Variants in GRID1 observed in about 807,000 individuals in gnomAD.
GRID1 encodes glutamate ionotropic receptor delta type subunit 1.
Under a neutral mutation model 98.0 loss-of-function variants are expected in GRID1, and 28 were observed. The ratio of observed to expected loss-of-function variants is 0.29; its 90% CI spans 0.21 to 0.39. The LOEUF (loss-of-function observed/expected upper bound fraction) is 0.39, where lower values mean the gene tolerates loss of function less well. Among genes scored for constraint, GRID1 ranks in the 10% least tolerant of loss-of-function variants. The probability of loss-of-function intolerance (pLI) is 1.00; values close to 1 mark genes in which losing one functional copy is unlikely to be tolerated. For synonymous variants in GRID1, 553 were observed against 538.5 expected, an observed-to-expected ratio of 1.03 and a Z score of -0.37; for missense variants, 1,111 against 1,340.5, an observed-to-expected ratio of 0.83 and a Z score of 2.67.
chr10:85,803,964 T>C (rs553083963), intron 8 of GRID1, among the ~76,000 whole-genome samples: 1 of 151,928 alleles, frequency 6.6e-6, no homozygotes, highest in Non-Finnish European at 1.5e-5. Context: ...ATACAGTCAC[T>C]AACCCAAGCT....
At chr10:86,111,548 T>C (rs1484301113) in intron 4 of GRID1, among the ~76,000 whole-genome samples, 1 of 152,250 alleles carries the variant, frequency 6.6e-6, no homozygotes, top group Non-Finnish European at 1.5e-5. Flanking sequence ...TGTTCCCTGA[T>C]ATATGTGTTC....
chr10:85,884,323 C>T (rs1471939775), intron 5 of GRID1, among the ~76,000 whole-genome samples: 12 of 152,142 alleles, frequency 7.9e-5, no homozygotes, highest in Admixed American at 7.9e-4. Context: ...TTCTGGGACA[C>T]ACACCTGCCT....
chr10:85,986,045 T>G (rs1842604602), intron 4 of GRID1, among the ~76,000 whole-genome samples: 1 of 152,232 alleles, frequency 6.6e-6, no homozygotes, highest in South Asian at 2.1e-4. Flanking sequence ...CCTGGCACAA[T>G]GTCTACTGCA....
At chr10:86,065,655 G>A (rs1554850652) in intron 4 of GRID1, among the ~76,000 whole-genome samples, 1 of 152,208 alleles carries the variant, frequency 6.6e-6, no homozygotes, top group Non-Finnish European at 1.5e-5. Flanking sequence ...AGGAACTTCT[G>A]CAGAATTAAA....
At chr10:85,767,447 A>C in intron 8 of GRID1, among the ~76,000 whole-genome samples, 1 of 152,214 alleles carries the variant, frequency 6.6e-6, no homozygotes, top group East Asian at 1.9e-4. Flanking sequence ...AATTCAAATA[A>C]TTTAAATAGC....
intron 2 of GRID1, among the ~76,000 whole-genome samples, chr10:86,273,016 C>T (rs1847208904): frequency 2.6e-5 from 4 of 152,106 alleles, no homozygotes; most frequent in Admixed American, 2.6e-4. Flanking sequence ...CACCCATTAA[C>T]TCAACATTTA....
intron 4 of GRID1, among the ~76,000 whole-genome samples, chr10:86,025,637 T>A (rs1843107047): frequency 6.6e-6 from 1 of 152,202 alleles, no homozygotes; most frequent in African/African-American, 2.4e-5. Context: ...AGGGTGGATG[T>A]TTCCTTCAGG....
chr10:86,352,200 T>G lies in GRID1; in HGVS notation c.235+11741A>C, dbSNP rs577589699. On this transcript the variant is annotated intron_variant, in intron 2 of 15. Coordinates refer to ENST00000327946, the MANE Select transcript of GRID1 (RefSeq NM_017551.3). Reference sequence around the variant, plus strand: ...AGAGTCACCCATCCTCAGAGGTACATGGATCTTCAGCTCATGTGGTCCAAG... The same window carrying G: ...AGAGTCACCCATCCTCAGAGGTACAGGGATCTTCAGCTCATGTGGTCCAAG... Among the ~76,000 whole-genome samples the G allele has an allele frequency of 3.3e-5, 5 of 152,328 alleles. No individual in the cohort carries two copies. The East Asian group carries it at 9.6e-4, about 29-fold the overall frequency.
At chr10:85,624,409 C>T (rs1842888508) in intron 13 of GRID1, among the ~76,000 whole-genome samples, 1 of 152,164 alleles carries the variant, frequency 6.6e-6, no homozygotes, top group South Asian at 2.1e-4. Context: ...GCTGTGGATA[C>T]AGCCAAGCTT....
At chr10:86,044,171 C>G (rs777465622) in intron 4 of GRID1, among the ~76,000 whole-genome samples, 1 of 152,220 alleles carries the variant, frequency 6.6e-6, no homozygotes, top group East Asian at 1.9e-4. Context: ...TCCCCAGAGT[C>G]TAGCAAGTGG....
chr10:85,788,060 A>T (rs972146016), intron 8 of GRID1, among the ~76,000 whole-genome samples: 1 of 143,308 alleles, frequency 7.0e-6, no homozygotes, highest in Non-Finnish European at 1.5e-5. Context: ...TTCACAAAAA[A>T]AAAAAGAAAA....
intron 3 of GRID1, among the ~76,000 whole-genome samples, chr10:86,181,348 T>C (rs1160608326): frequency 2.1e-5 from 3 of 144,020 alleles, no homozygotes; most frequent in East Asian, 2.0e-4. Context: ...GGAAATGGAG[T>C]GCTTGTTCTC....
chr10:86,366,422 G>T lies in GRID1; in HGVS notation c.-30C>A, dbSNP rs1191259445. 8.9e-6 allele frequency: 13 copies of T among 1,460,706 alleles called. No homozygotes were observed. In the African/African-American group the frequency reaches 1.0e-4, roughly 12 times the overall value. The allele number at this position is 1,460,706 out of a possible 1,614,324, so 90.5% of individuals were successfully genotyped here. A position where few individuals can be genotyped will look rare whatever the true frequency, so the allele number is the denominator to read the frequency against. On this transcript the variant is annotated 5_prime_UTR_variant, in exon 1 of 16. Coordinates refer to ENST00000327946, the MANE Select transcript of GRID1 (RefSeq NM_017551.3). This position sits in a 1 kb window ranked among gnomAD's most constrained non-coding sequence, Gnocchi z 4.1. ...CCCGGGCGCGCGGCTCATCCACCCGGGCCCGGGGCGAGGCCGAGGGCAGCG... is the reference window on the plus strand; with the variant it reads ...CCCGGGCGCGCGGCTCATCCACCCGTGCCCGGGGCGAGGCCGAGGGCAGCG...
At chr10:85,724,219 T>C in intron 11 of GRID1, 133 bp downstream of exon 11, 1 of 643,934 alleles carries the variant, frequency 1.6e-6, no homozygotes, top group Non-Finnish European at 2.7e-6. Flanking sequence ...CAGCATGACA[T>C]TTGTACTGTC....
In GRID1 at chr10:85,835,272, T is replaced by C. The variant is rs565206902; in HGVS notation, c.1233+19224A>G. 3.3e-5 allele frequency among the ~76,000 whole-genome samples: 5 copies of C among 152,310 alleles called. No homozygotes were observed. In the East Asian group the frequency reaches 5.8e-4, roughly 18 times the overall value. On this transcript the variant is annotated intron_variant, in intron 8 of 15. Transcript: ENST00000327946. ...CCATCTCGGCATCTGATAGAACCAA[T>C]AGATTAACAAGGATATTGAAACTCT...
chr10:86,213,297 T>C (rs963062685), intron 2 of GRID1, among the ~76,000 whole-genome samples: 1 of 152,042 alleles, frequency 6.6e-6, no homozygotes, highest in African/African-American at 2.4e-5. Flanking sequence ...CCTGGCAACT[T>C]GGTGACCTTG....
intron 8 of GRID1, among the ~76,000 whole-genome samples, chr10:85,730,964 C>A (rs936728364): frequency 2.6e-5 from 4 of 152,110 alleles, no homozygotes; most frequent in Admixed American, 1.3e-4. Context: ...ATCCATAAGA[C>A]CCCCTAGTTA....
intron 5 of GRID1, among the ~76,000 whole-genome samples, chr10:85,910,524 T>C (rs867740329): frequency 1.3e-4 from 20 of 152,198 alleles, no homozygotes; most frequent in African/African-American, 4.1e-4. Flanking sequence ...GGATCCTCAC[T>C]GAGTACTCGT....
At chr10:85,938,315 A>G (rs1029361213) in intron 4 of GRID1, among the ~76,000 whole-genome samples, 2 of 152,226 alleles carry the variant, frequency 1.3e-5, no homozygotes, top group African/African-American at 4.8e-5. Context: ...GATTACCAGC[A>G]TCTAAGTGCT....
Sources: allele counts gnomAD v4.1 joint callset (sites outside exome capture counted in the v4.1 genomes callset), GRCh38; gene constraint gnomAD v4.1.1; non-coding constraint Gnocchi (gnomAD v3.1); transcripts MANE v1.5; gene names NCBI Gene and HGNC (gene_info 2026-07-23, HGNC 2026-07-21).